The following BRINP2 variants were observed in gnomAD, a reference collection of about 807,000 sequenced individuals.
BRINP2 encodes BMP/retinoic acid inducible neural specific 2.
BRINP2 carries 21 observed loss-of-function variants against 69.2 expected under a neutral mutation model. The ratio of observed to expected loss-of-function variants is 0.30; its 90% confidence interval spans 0.22 to 0.44. The LOEUF (loss-of-function observed/expected upper bound fraction) is 0.44. Ranked by LOEUF, BRINP2 falls within the 20% of genes least tolerant of loss-of-function variation. BRINP2 has a pLI of 1.00. For missense variants in BRINP2, 877 were observed against 986.0 expected (o/e 0.89, Z 1.48); for synonymous variants, 380 against 394.1 (o/e 0.96, Z 0.42).
intron 4 of BRINP2, among the ~76,000 whole-genome samples, chr1:177,261,000 T>G (rs934577856): frequency 6.6e-6 from 1 of 151,948 alleles, no homozygotes; most frequent in Non-Finnish European, 1.5e-5. Context: ...GATGGGGATG[T>G]GGAGTTTAGG....
intron 1 of BRINP2, among the ~76,000 whole-genome samples, chr1:177,207,446 A>G (rs1016357327): frequency 6.6e-6 from 1 of 152,182 alleles, no homozygotes; most frequent in Admixed American, 6.5e-5. Context: ...AAGGGCGGGC[A>G]TGTGGAAGTC....
rs539904481 is a variant in BRINP2 at position 177,202,280 on chromosome 1, T to C, written c.-76-27521T>C. 1.7e-3 allele frequency among the ~76,000 whole-genome samples: 253 copies of C among 152,340 alleles called. 1 individual carries two copies. Among genetic ancestry groups the C allele is most frequent in the African/African-American group, 5.8e-3 (240 of 41,584 alleles). ...GTTTGCTCTTGCTTCTCTAGTTCTT[T>C]TAATTGTGATGTTACGGTGTCAATT... On this transcript the variant is annotated intron_variant, in intron 1 of 7. Transcript: ENST00000361539.
intron 1 of BRINP2, among the ~76,000 whole-genome samples, chr1:177,205,596 A>AAAT (rs1649049645): frequency 6.6e-6 from 1 of 152,208 alleles, no homozygotes; most frequent in Non-Finnish European, 1.5e-5. Flanking sequence ...CTACTTCCCT[A>AAAT]AATGTGTGGA....
At chr1:177,237,581 T>C (rs1256199580) in intron 2 of BRINP2, among the ~76,000 whole-genome samples, 1 of 152,038 alleles carries the variant, frequency 6.6e-6, no homozygotes, top group Non-Finnish European at 1.5e-5. Flanking sequence ...AGTTGATTTG[T>C]GAAGAGAAAA....
chr1:177,196,624 A>T (rs146651908), intron 1 of BRINP2, among the ~76,000 whole-genome samples: 21 of 151,986 alleles, frequency 1.4e-4, no homozygotes, highest in Admixed American at 7.2e-4. Context: ...ATCTCAAAAA[A>T]AAAAAAGAAA....
At chr1:177,236,195 C>T (rs72720776) in intron 2 of BRINP2, among the ~76,000 whole-genome samples, 1 of 152,236 alleles carries the variant, frequency 6.6e-6, no homozygotes, top group Non-Finnish European at 1.5e-5. Context: ...ACATAAATAC[C>T]TAACCTAAAT....
chr1:177,188,629 T>C (rs1648500521), intron 1 of BRINP2, among the ~76,000 whole-genome samples: 1 of 152,138 alleles, frequency 6.6e-6, no homozygotes, highest in East Asian at 1.9e-4. Flanking sequence ...ACTTTTTTTC[T>C]AGTAACTGCC....
At chr1:177,228,589 G>A (rs1045144222) in intron 1 of BRINP2, among the ~76,000 whole-genome samples, 1 of 152,188 alleles carries the variant, frequency 6.6e-6, no homozygotes, top group African/African-American at 2.4e-5. Flanking sequence ...TCTGGGCTTT[G>A]GCAGTCAGAG....
At chr1:177,270,082 T>TGC (rs1553275364) in intron 4 of BRINP2, among the ~76,000 whole-genome samples, 2 of 130,082 alleles carry the variant, frequency 1.5e-5, no homozygotes, top group Non-Finnish European at 3.2e-5. Flanking sequence ...GGGCAAGGGG[T>TGC]GGGGGGGGTG....
At chr1:177,185,899 G>A (rs1648411876) in intron 1 of BRINP2, among the ~76,000 whole-genome samples, 1 of 152,184 alleles carries the variant, frequency 6.6e-6, no homozygotes, top group South Asian at 2.1e-4. Flanking sequence ...CTGTTCAGGA[G>A]CTATGCTGTC....
At chr1:177,186,769 C>T (rs12125565) in intron 1 of BRINP2, among the ~76,000 whole-genome samples, 5 of 152,254 alleles carry the variant, frequency 3.3e-5, no homozygotes, top group South Asian at 2.1e-4. Flanking sequence ...TAGTTGTAGG[C>T]GTATCCCACT....
chr1:177,196,610 C>T (rs1228494156), intron 1 of BRINP2, among the ~76,000 whole-genome samples: 2 of 151,318 alleles, frequency 1.3e-5, no homozygotes, highest in East Asian at 3.9e-4. Context: ...AAGAATGAAA[C>T]TCCATCTCAA....
chr1:177,247,689 C>T (rs1650427479), intron 2 of BRINP2, among the ~76,000 whole-genome samples: 1 of 152,198 alleles, frequency 6.6e-6, no homozygotes, highest in Non-Finnish European at 1.5e-5. Flanking sequence ...GAATAGAGGT[C>T]AATGTCCTTA....
At chr1:177,214,388 G>A (rs989215231) in intron 1 of BRINP2, among the ~76,000 whole-genome samples, 17 of 152,016 alleles carry the variant, frequency 1.1e-4, no homozygotes, top group East Asian at 9.6e-4. Context: ...AGCCGAGATC[G>A]CACCACTGCA....
In BRINP2 at chr1:177,171,206, A is replaced by T. The variant is rs1409970604; in HGVS notation, c.-603A>T. Among the ~76,000 whole-genome samples the T allele has an allele frequency of 1.3e-5, 2 of 152,242 alleles. No homozygotes were observed. Among genetic ancestry groups the T allele is most frequent in the African/African-American group, 4.8e-5 (2 of 41,476 alleles). On this transcript the variant is annotated 5_prime_UTR_variant, in exon 1 of 8. The change abolishes an upstream ATG in the 5' untranslated region. Transcript: ENST00000361539. ...GAAGCCGGAAGACCTGTCTCTGCCC[A>T]TGTGCAAGGCAGTGATTTCGGGTGA...
chr1:177,245,836 T>G (rs756575919), intron 2 of BRINP2, among the ~76,000 whole-genome samples: 1 of 152,158 alleles, frequency 6.6e-6, no homozygotes, highest in Non-Finnish European at 1.5e-5. Context: ...AGTGTGAGAA[T>G]AGCCAAACAG....
chr1:177,277,961 G>C (rs1333679129), intron 6 of BRINP2, among the ~76,000 whole-genome samples: 2 of 152,176 alleles, frequency 1.3e-5, no homozygotes, highest in African/African-American at 2.4e-5. Flanking sequence ...TAAATTTGCT[G>C]TAGGGCAGAA....
chr1:177,175,752 G>C (rs1648071400), intron 1 of BRINP2, among the ~76,000 whole-genome samples: 1 of 152,108 alleles, frequency 6.6e-6, no homozygotes, highest in East Asian at 1.9e-4. Context: ...GGTCTCAAAG[G>C]ACATTACTTT....
intron 2 of BRINP2, among the ~76,000 whole-genome samples, chr1:177,232,322 C>T (rs772211636): frequency 4.6e-5 from 7 of 152,188 alleles, no homozygotes; most frequent in Non-Finnish European, 8.8e-5. Flanking sequence ...GTAATCATTT[C>T]TGCACCATCA....
Sources: allele counts gnomAD v4.1 joint callset (sites outside exome capture counted in the v4.1 genomes callset), GRCh38; gene constraint gnomAD v4.1.1; transcripts MANE v1.5; gene names NCBI Gene and HGNC (gene_info 2026-07-23, HGNC 2026-07-21).